Variants in CRB1 observed in about 807,000 individuals in gnomAD.
The protein encoded by CRB1 is crumbs cell polarity complex component 1, also known as protein crumbs homolog 1.
In CRB1, 83 loss-of-function variants were observed where a neutral mutation model predicts 120.0. That is an observed-to-expected ratio of 0.69 (90% CI 0.58 to 0.83). The LOEUF is 0.83. Among genes scored for constraint, CRB1 ranks in the 40% least tolerant of loss-of-function variants. The pLI, the probability that CRB1 is intolerant of heterozygous loss-of-function variation, is 0.00. For synonymous variants in CRB1, 625 were observed against 612.5 expected, an observed-to-expected ratio of 1.02 and a Z score of -0.30; for missense variants, 1,699 against 1,687.6, an observed-to-expected ratio of 1.01 and a Z score of -0.12.
At chr1:197,414,356 T>C (rs1663863921) in intron 5 of CRB1, among the ~76,000 whole-genome samples, 1 of 152,110 alleles carries the variant, frequency 6.6e-6, no homozygotes, top group Non-Finnish European at 1.5e-5. Context: ...AAAGTGAGAA[T>C]TATGACAAAA....
At chr1:197,263,138 T>C in the CRB1 span, among the ~76,000 whole-genome samples, 1 of 152,162 alleles carries the variant, frequency 6.6e-6, no homozygotes, top group African/African-American at 2.4e-5. Context: ...TAATTTACAT[T>C]CCCATCAACA....
chr1:197,304,835 C>T (rs1657071792), intron 1 of CRB1, among the ~76,000 whole-genome samples: 1 of 152,204 alleles, frequency 6.6e-6, no homozygotes, highest in Non-Finnish European at 1.5e-5. Flanking sequence ...TACCCATTCA[C>T]CAGTGTTCAT....
the CRB1 span, among the ~76,000 whole-genome samples, chr1:197,257,406 C>T: frequency 6.6e-6 from 1 of 152,154 alleles, no homozygotes; most frequent in Admixed American, 6.6e-5. Context: ...GCTATCTGGG[C>T]ATCTCTTAGC....
chr1:197,262,254 G>A, the CRB1 span, among the ~76,000 whole-genome samples: 3 of 152,082 alleles, frequency 2.0e-5, no homozygotes, highest in African/African-American at 7.2e-5. Flanking sequence ...TTCTGAAATT[G>A]TATCTCCAGA....
chr1:197,332,920 G>C (rs991210404), intron 2 of CRB1, among the ~76,000 whole-genome samples: 1 of 152,124 alleles, frequency 6.6e-6, no homozygotes, highest in Admixed American at 6.5e-5. Flanking sequence ...TAGAACCAAG[G>C]GAAAAGCCAA....
intron 6 of CRB1, among the ~76,000 whole-genome samples, chr1:197,422,324 A>T (rs1664378299): frequency 6.7e-6 from 1 of 150,130 alleles, no homozygotes; most frequent in African/African-American, 2.4e-5. Flanking sequence ...AAAAAAAAAA[A>T]CCTTAGACAT....
At chr1:197,232,707 A>C in the CRB1 span, among the ~76,000 whole-genome samples, 1 of 152,182 alleles carries the variant, frequency 6.6e-6, no homozygotes, top group Non-Finnish European at 1.5e-5. Context: ...TCTAACAAAA[A>C]GGGCTCTTAG....
intron 5 of CRB1, among the ~76,000 whole-genome samples, chr1:197,365,632 T>TTTTC: frequency 6.6e-6 from 1 of 150,972 alleles, no homozygotes; most frequent in African/African-American, 2.4e-5. Flanking sequence ...TCTTCTTTTT[T>TTTTC]TTTTTTTTTT....
chr1:197,344,169 G>A, intron 2 of CRB1, 112 bp from the exon 3 acceptor site: 1 of 1,067,992 alleles, frequency 9.4e-7, no homozygotes, highest in Non-Finnish European at 1.5e-6. Flanking sequence ...AGTTATTTTG[G>A]GTAACAGAAC....
At chr1:197,345,778 G>A (rs570109897) in intron 3 of CRB1, among the ~76,000 whole-genome samples, 263 of 152,166 alleles carry the variant, frequency 1.7e-3, no homozygotes, top group Non-Finnish European at 3.2e-3. Context: ...GAAGTGTTGC[G>A]ATTACAGGTG....
chr1:197,347,213 C>G (rs1279622661), intron 3 of CRB1, 127 bp from the exon 4 acceptor site: 62 of 832,318 alleles, frequency 7.4e-5, no homozygotes, highest in Non-Finnish European at 6.0e-5. Flanking sequence ...AGATAATTCC[C>G]CAGAGTTTTT....
At chr1:197,372,010 T>C (rs545632531) in intron 5 of CRB1, among the ~76,000 whole-genome samples, 5 of 152,254 alleles carry the variant, frequency 3.3e-5, no homozygotes, top group African/African-American at 1.2e-4. Flanking sequence ...TGACCCCACT[T>C]GTTCTTGGCT....
At chr1:197,304,846 T>G (rs1451177071) in intron 1 of CRB1, among the ~76,000 whole-genome samples, 1 of 152,212 alleles carries the variant, frequency 6.6e-6, no homozygotes, top group Non-Finnish European at 1.5e-5. Flanking sequence ...CAGTGTTCAT[T>G]CACTTGCTTT....
At chr1:197,355,818 G>A (rs1183779496) in intron 4 of CRB1, among the ~76,000 whole-genome samples, 1 of 152,100 alleles carries the variant, frequency 6.6e-6, no homozygotes, top group Non-Finnish European at 1.5e-5. Flanking sequence ...CTCCATTCTC[G>A]GCCAGCCCAT....
At chr1:197,351,347 G>C (rs116805042) in intron 4 of CRB1, among the ~76,000 whole-genome samples, 1 of 132,366 alleles carries the variant, frequency 7.6e-6, no homozygotes, top group South Asian at 2.6e-4. Context: ...ACTCCAGGGC[G>C]AGAGGGTGAG....
At chr1:197,451,224 G>A (rs1320168028) in intron 11 of CRB1, among the ~76,000 whole-genome samples, 1 of 152,166 alleles carries the variant, frequency 6.6e-6, no homozygotes, top group Non-Finnish European at 1.5e-5. Context: ...AAGCATCTGT[G>A]ATTAGCTGAT....
chr1:197,311,614 C>T (rs1454785653), intron 1 of CRB1, among the ~76,000 whole-genome samples: 1 of 151,560 alleles, frequency 6.6e-6, no homozygotes, highest in African/African-American at 2.4e-5. Context: ...TTAAGATGAA[C>T]ACTATGATGC....
At chr1:197,435,765 A>T (rs561679430) in intron 9 of CRB1, among the ~76,000 whole-genome samples, 153 bp downstream of exon 9, 1 of 152,276 alleles carries the variant, frequency 6.6e-6, no homozygotes, top group Admixed American at 6.5e-5. Flanking sequence ...GGTCATGTTC[A>T]GATGGGATCT....
the CRB1 span, chr1:197,222,365 C>T: frequency 6.6e-6 from 5 of 758,234 alleles, no homozygotes; most frequent in African/African-American, 8.5e-5. Context: ...CCATGGCCTT[C>T]TCTGTGAAGG....
Sources: allele counts gnomAD v4.1 joint callset (sites outside exome capture counted in the v4.1 genomes callset), GRCh38; gene constraint gnomAD v4.1.1; transcripts MANE v1.5; gene names NCBI Gene and HGNC (gene_info 2026-07-23, HGNC 2026-07-21).